Variants in ARMH4 observed in about 807,000 individuals in gnomAD.
ARMH4 encodes armadillo-like helical domain-containing protein 4.
A neutral mutation model predicts 61.9 loss-of-function variants in ARMH4; 49 were observed. The observed-to-expected ratio is 0.79, with a 90% confidence interval of 0.63 to 1.00. The LOEUF (loss-of-function observed/expected upper bound fraction) is 1.00, where lower values mean the gene tolerates loss of function less well. Ranked by LOEUF, ARMH4 falls within the 50% of genes least tolerant of loss-of-function variation. The pLI, the probability that ARMH4 is intolerant of heterozygous loss-of-function variation, is 0.00. For missense variants in ARMH4, 934 were observed against 930.0 expected (o/e 1.00, Z -0.06); for synonymous variants, 368 against 341.5 (o/e 1.08, Z -0.85).
At chr14:58,070,761 T>C (rs1419260845) in intron 5 of ARMH4, among the ~76,000 whole-genome samples, 2 of 152,238 alleles carry the variant, frequency 1.3e-5, no homozygotes, top group Non-Finnish European at 2.9e-5. Flanking sequence ...TAAATTATTA[T>C]TGACTATAGT....
rs1887956472 is a variant in ARMH4, at chr14:58,152,153, C to T, written c.-135G>A. 1 of 162,590 alleles carries T rather than the reference C, an allele frequency of 6.2e-6. No homozygotes were observed. The highest frequency in any genetic ancestry group is 1.3e-5 in the Non-Finnish European group (1 of 76,366). 10.1% of individuals were successfully genotyped at this position (162,590 alleles called of 1,614,324 possible). A position where few individuals can be genotyped will look rare whatever the true frequency, so the allele number is the denominator to read the frequency against. On this transcript the variant is annotated 5_prime_UTR_variant, in exon 1 of 8. Transcript: ENST00000267485. ...GCGCTCGGCATCCCAGCGGCGGGCCCTGCGGCGGCGGCGGCGGTAGCGGCG... is the reference window on the plus strand; with the variant it reads ...GCGCTCGGCATCCCAGCGGCGGGCCTTGCGGCGGCGGCGGCGGTAGCGGCG...
At chr14:58,093,292 T>G (rs1039104287) in intron 5 of ARMH4, among the ~76,000 whole-genome samples, 1 of 152,078 alleles carries the variant, frequency 6.6e-6, no homozygotes, top group Non-Finnish European at 1.5e-5. Context: ...ACACCTGGCC[T>G]AAGTGATCCT....
chr14:58,061,513 G>C (rs1342364138), intron 5 of ARMH4, among the ~76,000 whole-genome samples: 1 of 152,098 alleles, frequency 6.6e-6, no homozygotes, highest in East Asian at 1.9e-4. Flanking sequence ...TGCTTTCCCT[G>C]CTATCCTCTC....
intron 4 of ARMH4, among the ~76,000 whole-genome samples, chr14:58,097,681 A>AT (rs34512372): frequency 4.7e-4 from 68 of 144,456 alleles, no homozygotes; most frequent in South Asian, 2.9e-3. Flanking sequence ...CGTTTTCTTG[A>AT]TTTTTTTTTT....
At chr14:58,024,287 T>G (rs1161367625) in intron 5 of ARMH4, among the ~76,000 whole-genome samples, 1 of 152,242 alleles carries the variant, frequency 6.6e-6, no homozygotes, top group African/African-American at 2.4e-5. Context: ...CATAACTTGC[T>G]GCAGCTTCTA....
At chr14:58,026,151 G>A (rs1445477740) in intron 5 of ARMH4, among the ~76,000 whole-genome samples, 2 of 152,060 alleles carry the variant, frequency 1.3e-5, no homozygotes, top group Admixed American at 1.3e-4. Context: ...CTCTTGTGAT[G>A]AGAAGGCTGT....
intron 4 of ARMH4, among the ~76,000 whole-genome samples, chr14:58,129,135 T>C (rs1222986764): frequency 2.0e-5 from 3 of 152,170 alleles, no homozygotes; most frequent in Non-Finnish European, 2.9e-5. Context: ...TTGTGGTACT[T>C]AGTTATGACA....
chr14:58,149,397 A>C (rs1200141179), intron 1 of ARMH4, among the ~76,000 whole-genome samples: 1 of 152,230 alleles, frequency 6.6e-6, no homozygotes, highest in African/African-American at 2.4e-5. Flanking sequence ...AGGGAGAAGG[A>C]GTAAGTAACC....
intron 5 of ARMH4, among the ~76,000 whole-genome samples, chr14:58,053,491 T>C (rs1884217504): frequency 6.6e-6 from 1 of 152,098 alleles, no homozygotes; most frequent in South Asian, 2.1e-4. Context: ...CCTTCATAGA[T>C]CAATTCCCTT....
intron 5 of ARMH4, among the ~76,000 whole-genome samples, chr14:58,044,854 T>C (rs1190849555): frequency 4.6e-5 from 7 of 152,088 alleles, no homozygotes; most frequent in Non-Finnish European, 8.8e-5. Context: ...AACAGACACA[T>C]GAAAAAATGC....
chr14:58,070,194 C>T (rs537673779), intron 5 of ARMH4, among the ~76,000 whole-genome samples: 2 of 152,226 alleles, frequency 1.3e-5, no homozygotes, highest in South Asian at 2.1e-4. Flanking sequence ...GGCTCAGTTT[C>T]CTTAACAGCT....
intron 5 of ARMH4, among the ~76,000 whole-genome samples, chr14:58,094,372 A>G (rs1055885123): frequency 6.6e-6 from 1 of 150,502 alleles, no homozygotes; most frequent in Non-Finnish European, 1.5e-5. Context: ...GGGGACTGAA[A>G]TCAGGAGTCA....
At chr14:58,132,581 CTTT>C (rs71448942) in intron 3 of ARMH4, among the ~76,000 whole-genome samples, 142 of 86,066 alleles carry the variant, frequency 1.6e-3, no homozygotes, top group African/African-American at 4.9e-3. Context: ...ACCCTTGTCC[CTTT>C]TTTTTTTTTT....
intron 1 of ARMH4, among the ~76,000 whole-genome samples, chr14:58,149,319 T>C (rs1273980060): frequency 2.0e-5 from 3 of 152,170 alleles, no homozygotes; most frequent in African/African-American, 7.2e-5. Flanking sequence ...GCAGCTATAC[T>C]TCACCATAAA....
intron 4 of ARMH4, among the ~76,000 whole-genome samples, chr14:58,123,370 A>G (rs961209259): frequency 6.6e-6 from 1 of 152,152 alleles, no homozygotes; most frequent in Non-Finnish European, 1.5e-5. Flanking sequence ...TTTCCCTACC[A>G]AAGGCAGTAC....
intron 5 of ARMH4, among the ~76,000 whole-genome samples, chr14:58,034,629 A>C (rs1396542171): frequency 0.028 from 1,386 of 49,258 alleles, 132 homozygotes; most frequent in African/African-American, 0.11. Context: ...AAGAGTCAAG[A>C]CCCATCAGTG....
intron 4 of ARMH4, among the ~76,000 whole-genome samples, chr14:58,122,987 C>G (rs955788380): frequency 3.9e-5 from 6 of 152,160 alleles, no homozygotes; most frequent in Non-Finnish European, 7.4e-5. Context: ...TAACTGTCTC[C>G]TGGACACTGG....
At chr14:58,010,889 C>T (rs1460538945) in intron 6 of ARMH4, among the ~76,000 whole-genome samples, 1 of 151,062 alleles carries the variant, frequency 6.6e-6, no homozygotes, top group Non-Finnish European at 1.5e-5. Context: ...TCTATGGAAA[C>T]AATGATATAT....
chr14:58,136,145 T>C (rs1887294771), intron 2 of ARMH4, among the ~76,000 whole-genome samples: 1 of 152,194 alleles, frequency 6.6e-6, no homozygotes, highest in African/African-American at 2.4e-5. Context: ...AATTGTGCTA[T>C]GTGCTAGAAA....
Sources: gnomAD v4.1 joint callset for allele counts (sites outside exome capture counted in the v4.1 genomes callset) on GRCh38, gnomAD v4.1.1 for gene constraint, MANE v1.5 for transcripts, NCBI Gene and HGNC (gene_info 2026-07-23, HGNC 2026-07-21) for gene names.